The following ZC3H12B variants were observed in gnomAD, a reference collection of about 807,000 sequenced individuals.
The protein encoded by ZC3H12B is probable ribonuclease ZC3H12B.
Under a neutral mutation model 43.9 loss-of-function variants are expected in ZC3H12B, and 7 were observed. The ratio of observed to expected loss-of-function variants is 0.16; its 90% CI spans 0.09 to 0.30. The LOEUF is 0.30. ZC3H12B is among the 10% of genes least tolerant of loss of function. ZC3H12B has a pLI of 1.00. For synonymous variants in ZC3H12B, 222 were observed against 241.7 expected, an observed-to-expected ratio of 0.92 and a Z score of 0.76; for missense variants, 475 against 670.2, an observed-to-expected ratio of 0.71 and a Z score of 3.22.
At chrX:65,051,345 C>T in the ZC3H12B span, among the ~76,000 whole-genome samples, 1 of 110,985 alleles carries the variant, frequency 9.0e-6, no homozygotes, top group Non-Finnish European at 1.9e-5. Context: ...TGTATTTCTG[C>T]TCTGGTTTTT....
chrX:65,170,599 A>G, the ZC3H12B span, among the ~76,000 whole-genome samples: 1 of 112,021 alleles, frequency 8.9e-6, no homozygotes, highest in Non-Finnish European at 1.9e-5. Flanking sequence ...AGGTTGGGGA[A>G]GTTCTCCTGG....
intron 2 of ZC3H12B, among the ~76,000 whole-genome samples, chrX:65,378,852 C>T (rs903927028): frequency 8.9e-5 from 10 of 112,475 alleles, no homozygotes; most frequent in Non-Finnish European, 1.7e-4. Flanking sequence ...TGACAGACGG[C>T]ACCTGGAAAA....
the ZC3H12B span, among the ~76,000 whole-genome samples, chrX:65,172,124 G>A: frequency 1.8e-5 from 2 of 112,422 alleles, no homozygotes; most frequent in Admixed American, 1.9e-4. Flanking sequence ...GGGAGATGTA[G>A]ACTGGAGCTG....
chrX:65,041,863 A>G, the ZC3H12B span, among the ~76,000 whole-genome samples: 1 of 111,888 alleles, frequency 8.9e-6, no homozygotes, highest in Non-Finnish European at 1.9e-5. Flanking sequence ...AAAATCCAGC[A>G]TTTCTGATGT....
chrX:65,322,634 G>C, the ZC3H12B span, among the ~76,000 whole-genome samples: 9 of 111,603 alleles, frequency 8.1e-5, no homozygotes, highest in South Asian at 3.3e-3. Context: ...ATGTTGTTTC[G>C]ATTACTGTAT....
the ZC3H12B span, among the ~76,000 whole-genome samples, chrX:65,333,226 A>G: frequency 2.7e-5 from 3 of 111,992 alleles, no homozygotes; most frequent in Admixed American, 1.9e-4. Context: ...TATTGGCTCT[A>G]TAAGTCAAGT....
the ZC3H12B span, among the ~76,000 whole-genome samples, chrX:65,212,556 T>C: frequency 2.6e-5 from 2 of 77,824 alleles, no homozygotes; most frequent in African/African-American, 5.2e-5. Context: ...ATATATTATA[T>C]TATATGTTAT....
At chrX:65,260,859 A>G in the ZC3H12B span, among the ~76,000 whole-genome samples, 1 of 111,724 alleles carries the variant, frequency 9.0e-6, no homozygotes, top group Non-Finnish European at 1.9e-5. Context: ...CTTTGGACAA[A>G]TTAGAAAATT....
chrX:65,095,431 A>T, the ZC3H12B span, among the ~76,000 whole-genome samples: 2 of 111,242 alleles, frequency 1.8e-5, no homozygotes, highest in Non-Finnish European at 3.8e-5. Context: ...TGAGGTCTTG[A>T]GGCAAATTAC....
At chrX:65,316,346 A>C in the ZC3H12B span, among the ~76,000 whole-genome samples, 1 of 111,815 alleles carries the variant, frequency 8.9e-6, no homozygotes. Context: ...GTACTATAAA[A>C]TAGTCATCGG....
the ZC3H12B span, among the ~76,000 whole-genome samples, chrX:65,325,381 G>A: frequency 9.0e-6 from 1 of 111,187 alleles, no homozygotes; most frequent in African/African-American, 3.3e-5. Context: ...GCTAAAACTG[G>A]TAAACAAATT....
chrX:65,462,879 A>G (rs772922003), intron 3 of ZC3H12B, among the ~76,000 whole-genome samples: 44 of 112,579 alleles, frequency 3.9e-4, no homozygotes, highest in African/African-American at 1.3e-3. Context: ...TTGTCCATCA[A>G]TGGTGGATTG....
intron 3 of ZC3H12B, among the ~76,000 whole-genome samples, chrX:65,425,074 A>G (rs1057061613): frequency 9.0e-6 from 1 of 111,726 alleles, no homozygotes; most frequent in Non-Finnish European, 1.9e-5. Context: ...CATTTTCATG[A>G]TATTGATTCT....
chrX:65,433,449 G>A (rs778564409), intron 3 of ZC3H12B, among the ~76,000 whole-genome samples: 1 of 111,927 alleles, frequency 8.9e-6, no homozygotes, highest in African/African-American at 3.2e-5. Flanking sequence ...GAGAACTAAT[G>A]TGGGGATTCT....
At chrX:65,360,636 G>T in the ZC3H12B span, among the ~76,000 whole-genome samples, 1 of 112,326 alleles carries the variant, frequency 8.9e-6, no homozygotes, top group African/African-American at 3.2e-5. Context: ...AAAACAGTTT[G>T]GCAGCTTCTT....
At chrX:65,347,395 A>G in the ZC3H12B span, among the ~76,000 whole-genome samples, 1 of 111,917 alleles carries the variant, frequency 8.9e-6, no homozygotes, top group African/African-American at 3.3e-5. Flanking sequence ...ACAAGAAAAA[A>G]ACAAACAACC....
At chrX:65,308,455 G>T in the ZC3H12B span, among the ~76,000 whole-genome samples, 1 of 111,587 alleles carries the variant, frequency 9.0e-6, no homozygotes, top group Admixed American at 9.5e-5. Context: ...AAGTATATAT[G>T]CAACCAATTC....
chrX:65,155,697 TAAA>T, the ZC3H12B span, among the ~76,000 whole-genome samples: 1 of 109,792 alleles, frequency 9.1e-6, no homozygotes, highest in African/African-American at 3.3e-5. Flanking sequence ...GTACAGAAAA[TAAA>T]AATAAAAAAA....
chrX:65,177,269 G>A, the ZC3H12B span, among the ~76,000 whole-genome samples: 1 of 111,751 alleles, frequency 8.9e-6, no homozygotes, highest in South Asian at 3.7e-4. Flanking sequence ...GTTGTTGATG[G>A]TACATATCTC....
Sources: allele counts gnomAD v4.1 joint callset (sites outside exome capture counted in the v4.1 genomes callset), GRCh38; gene constraint gnomAD v4.1.1; transcripts MANE v1.5; gene names NCBI Gene and HGNC (gene_info 2026-07-23, HGNC 2026-07-21).